Variants in KCNA2 observed in about 807,000 individuals in gnomAD.
KCNA2 encodes potassium channel, voltage gated shaker related subfamily A, member 2.
Under a neutral mutation model 33.4 loss-of-function variants are expected in KCNA2, and 11 were observed. That is an observed-to-expected ratio of 0.33 (90% CI 0.21 to 0.55). The LOEUF is 0.55. Among genes scored for constraint, KCNA2 ranks in the 20% least tolerant of loss-of-function variants. The pLI, the probability that KCNA2 is intolerant of heterozygous loss-of-function variation, is 0.93. For synonymous variants in KCNA2, 222 were observed against 231.3 expected (o/e 0.96, Z 0.37); for missense variants, 291 against 621.6 (o/e 0.47, Z 5.66).
intron 1 of KCNA2, among the ~76,000 whole-genome samples, chr1:110,617,508 T>C (rs1198793085): frequency 6.6e-6 from 1 of 152,148 alleles, no homozygotes; most frequent in Non-Finnish European, 1.5e-5. Context: ...GAAAGATAAC[T>C]TGGGAAATGT....
Position 110,604,693 on chromosome 1 carries a change from C to T in KCNA2, c.90G>A (p.Glu30=). 2 of 1,614,192 alleles carry T rather than the reference C, an allele frequency of 1.2e-6. No homozygotes were observed. Among genetic ancestry groups the T allele is most frequent in the Non-Finnish European group, 1.7e-6 (2 of 1,180,036 alleles). Residue 30 remains glutamate, a synonymous_variant, in exon 3 of 3, where the codon GAG becomes GAA. Coordinates refer to ENST00000316361, the MANE Select transcript of KCNA2 (RefSeq NM_004974.4). This position sits in a 1 kb window ranked among gnomAD's most constrained non-coding sequence, Gnocchi z 7.6. ...QDTYDPEADH[E]CCERVVINIS... ...TGTTGATCACCACCCTCTCACAGCACTCGTGGTCTGCCTCTGGGTCATAGG... is the reference window on the plus strand; with the variant it reads ...TGTTGATCACCACCCTCTCACAGCATTCGTGGTCTGCCTCTGGGTCATAGG...
At position 110,594,029 on chromosome 1, in the gene KCNA2, CT is replaced by C; in HGVS notation, c.*9253del. 1.3e-6 allele frequency: 2 copies of C among 1,531,438 alleles called. No homozygotes were observed. The highest frequency in any genetic ancestry group is 2.5e-5 in the South Asian group (2 of 80,364). The allele number at this position is 1,531,438 out of a possible 1,614,324, so 94.9% of individuals were successfully genotyped here. ...CCTTCAGCTCTCATTGGTCCCCAGC[CT>C]CTTATCACCATGGAGACCCCAGTTC... On this transcript the variant is annotated 3_prime_UTR_variant, in exon 3 of 3. Coordinates refer to ENST00000316361, the MANE Select transcript of KCNA2 (RefSeq NM_004974.4).
chr1:110,602,253 T>C lies in KCNA2; in HGVS notation c.*1030A>G. ...AAATAGTCTATTTTTTTTCCCCTGA[T>C]GGAGGGATTTTTGCCTTCTGATGGG... On this transcript the variant is annotated 3_prime_UTR_variant, in exon 3 of 3. Transcript: ENST00000316361. 1 of 1,529,884 alleles carries C rather than the reference T, an allele frequency of 6.5e-7. No homozygotes were observed. Among genetic ancestry groups the C allele is most frequent in the Non-Finnish European group, 8.8e-7 (1 of 1,138,190 alleles). 94.8% of individuals were successfully genotyped at this position (1,529,884 alleles called of 1,614,324 possible).
chr1:110,601,863 C>T lies in KCNA2; in HGVS notation c.*1420G>A. ...ACACACATATGTATGTATATATATA[C>T]ACCCTAGTGCACATAGTCAAACACA... On this transcript the variant is annotated 3_prime_UTR_variant, in exon 3 of 3. Coordinates refer to ENST00000316361, the MANE Select transcript of KCNA2 (RefSeq NM_004974.4). 1.4e-6 allele frequency: 2 copies of T among 1,427,598 alleles called. No homozygotes were observed. The highest frequency in any genetic ancestry group is 1.8e-6 in the Non-Finnish European group (2 of 1,095,318). 88.4% of individuals were successfully genotyped at this position (1,427,598 alleles called of 1,614,324 possible).
At position 110,604,391 on chromosome 1, in the gene KCNA2, C is replaced by G; in HGVS notation, c.392G>C (p.Gly131Ala). ...AGGACGCTCTTCCTCCTTGATGTAG[C>G]CTTCATCTTCCCGAAACATCTCCAT... ...EAMEMFREDEGYIKEEERPLP... is the reference protein window; with the variant it reads ...EAMEMFREDEAYIKEEERPLP... The change falls in exon 3 of 3, where the codon GGC (glycine) becomes GCC (alanine). Residue 131 changes from glycine (G) to alanine (A), a missense_variant. By Grantham distance (60) the Gly-to-Ala change is moderately conservative. This residue lies in a region of KCNA2 where 163 missense variants were observed against 273.5 expected (regional missense o/e 0.60). Transcript: ENST00000316361. The surrounding 1 kb of genome is among the most constrained non-coding windows in gnomAD (Gnocchi z 7.6). 6.2e-7 allele frequency: 1 copy of G among 1,614,112 alleles called. No individual in the cohort carries two copies. Among genetic ancestry groups the G allele is most frequent in the Non-Finnish European group, 8.5e-7 (1 of 1,180,024 alleles).
At chr1:110,610,428 CCACT>C (rs1243286453), upstream of KCNA2, among the ~76,000 whole-genome samples, 1 of 152,212 alleles carries the variant, frequency 6.6e-6, no homozygotes, top group Non-Finnish European at 1.5e-5. Context: ...GGCACAGTCC[CCACT>C]CACTCACAGG....
rs144163981 is a variant in KCNA2 at position 110,622,333 on chromosome 1, G to A, written c.-496+9062C>T. ...CATCTTTCAGCAAACTAGGAATAAA[G>A]GGAGTTTTTTTGACCTAATAAAATA... On this transcript the variant is annotated intron_variant, in intron 1 of 4. Transcript: ENST00000369770. Among the ~76,000 whole-genome samples the A allele has an allele frequency of 1.7e-3, 262 of 152,082 alleles. 1 individual carries two copies. The highest frequency in any genetic ancestry group is 5.9e-3 in the African/African-American group (245 of 41,532).
At chr1:110,623,492 A>G (rs1322231252) in intron 1 of KCNA2, among the ~76,000 whole-genome samples, 2 of 152,232 alleles carry the variant, frequency 1.3e-5, no homozygotes, top group Admixed American at 1.3e-4. Flanking sequence ...AAACGTTTGC[A>G]TTTCAAAGAC....
In KCNA2 at chr1:110,603,038, AT is replaced by A; in HGVS notation, c.*244del. On this transcript the variant is annotated 3_prime_UTR_variant, in exon 3 of 3. Coordinates refer to ENST00000316361, the MANE Select transcript of KCNA2 (RefSeq NM_004974.4). The surrounding 1 kb of genome is among the most constrained non-coding windows in gnomAD (Gnocchi z 5.7). Reference sequence around the variant, plus strand: ...GGTGGCCTCAACGTGTCTATCTGAAATCCTAGCTTGATAGGTGACTCCCGTC... The same window carrying A: ...GGTGGCCTCAACGTGTCTATCTGAAACCTAGCTTGATAGGTGACTCCCGTC... 1 of 1,374,176 alleles carries A rather than the reference AT, an allele frequency of 7.3e-7. No homozygotes were observed. Among genetic ancestry groups the A allele is most frequent in the Non-Finnish European group, 9.4e-7 (1 of 1,068,426 alleles). The allele number at this position is 1,374,176 out of a possible 1,614,324, so 85.1% of individuals were successfully genotyped here. A position where few individuals can be genotyped will look rare whatever the true frequency, so the allele number is the denominator to read the frequency against.
chr1:110,601,464 T>C lies in KCNA2; in HGVS notation c.*1819A>G, dbSNP rs375745140. 1.1e-4 allele frequency: 108 copies of C among 985,442 alleles called. 1 individual carries two copies. The East Asian group carries it at 8.6e-3, about 79-fold the overall frequency. 61.0% of individuals were successfully genotyped at this position (985,442 alleles called of 1,614,324 possible). A position where few individuals can be genotyped will look rare whatever the true frequency, so the allele number is the denominator to read the frequency against. ...GCAAGGGAAGAGGTGAAAATGGAGA[T>C]GATGAACAGGATGAACTGTAGAGAG... On this transcript the variant is annotated 3_prime_UTR_variant, in exon 3 of 3. Transcript: ENST00000316361.
rs1649167590 is a variant in KCNA2, at chr1:110,597,943, A to C, written c.*5340T>G. On this transcript the variant is annotated 3_prime_UTR_variant, in exon 3 of 3. Transcript: ENST00000316361. ...CCTTCCTGCATGTAGGGGAGCCCCT[A>C]CCTCCATCTGTCCCTGCTGGTTGCT... The C allele has an allele frequency of 1.0e-6, 1 of 985,174 alleles. No homozygotes were observed. Among genetic ancestry groups the C allele is most frequent in the Admixed American group, 6.2e-5 (1 of 16,260 alleles). 61.0% of individuals were successfully genotyped at this position (985,174 alleles called of 1,614,324 possible). A position where few individuals can be genotyped will look rare whatever the true frequency, so the allele number is the denominator to read the frequency against.
chr1:110,602,958 A>C lies in KCNA2; in HGVS notation c.*325T>G. The C allele has an allele frequency of 3.6e-6, 4 of 1,099,518 alleles. No individual in the cohort carries two copies. The highest frequency in any genetic ancestry group is 3.3e-6 in the Non-Finnish European group (3 of 903,926). 68.1% of individuals were successfully genotyped at this position (1,099,518 alleles called of 1,614,324 possible). Reference sequence around the variant, plus strand: ...AGTGCATCTCTTGGATGTTGTGTGCATTTCATTAGGAAGGAATGATGGCAC... The same window carrying C: ...AGTGCATCTCTTGGATGTTGTGTGCCTTTCATTAGGAAGGAATGATGGCAC... On this transcript the variant is annotated 3_prime_UTR_variant, in exon 3 of 3. Transcript: ENST00000316361.
Position 110,601,659 on chromosome 1 carries a change from A to G in KCNA2, c.*1624T>C, listed in dbSNP as rs1348994556. ...CATGGATACCGGAGTGTCTGAGGCAATGGCAGCAAACCCAGGCCCAGTGGG... is the reference window on the plus strand; with the variant it reads ...CATGGATACCGGAGTGTCTGAGGCAGTGGCAGCAAACCCAGGCCCAGTGGG... On this transcript the variant is annotated 3_prime_UTR_variant, in exon 3 of 3. Coordinates refer to ENST00000316361, the MANE Select transcript of KCNA2 (RefSeq NM_004974.4). The G allele has an allele frequency of 5.7e-6, 6 of 1,049,004 alleles. No individual in the cohort carries two copies. The highest frequency in any genetic ancestry group is 6.9e-6 in the Non-Finnish European group (6 of 872,150). The allele number at this position is 1,049,004 out of a possible 1,614,324, so 65.0% of individuals were successfully genotyped here.
intron 1 of KCNA2, chr1:110,605,953 T>G (rs949044765): frequency 2.6e-5 from 4 of 152,244 alleles, no homozygotes; most frequent in African/African-American, 9.7e-5. Context: ...TGGCTGGGCC[T>G]GCCTTCTCCA....
Position 110,602,957 on chromosome 1 carries a change from C to A in KCNA2, c.*326G>T, listed in dbSNP as rs1407092598. On this transcript the variant is annotated 3_prime_UTR_variant, in exon 3 of 3. Transcript: ENST00000316361. ...GAGTGCATCTCTTGGATGTTGTGTG[C>A]ATTTCATTAGGAAGGAATGATGGCA... is the stretch of plus-strand genomic sequence containing the variant. 6.0e-5 allele frequency: 66 copies of A among 1,093,182 alleles called. No homozygotes were observed. Among genetic ancestry groups the A allele is most frequent in the Non-Finnish European group, 7.3e-5 (66 of 900,232 alleles). The allele number at this position is 1,093,182 out of a possible 1,614,324, so 67.7% of individuals were successfully genotyped here. A position where few individuals can be genotyped will look rare whatever the true frequency, so the allele number is the denominator to read the frequency against.
In KCNA2 at chr1:110,594,175, A is replaced by G; in HGVS notation, c.*9108T>C. ...TTTCAGCAATTATTAGAGACAGGAC[A>G]TGGGAGGGCAGCTGAAGATTCATGC... On this transcript the variant is annotated 3_prime_UTR_variant, in exon 3 of 3. Transcript: ENST00000316361. 7.9e-7 allele frequency: 1 copy of G among 1,264,990 alleles called. No individual in the cohort carries two copies. Among genetic ancestry groups the G allele is most frequent in the Non-Finnish European group, 1.0e-6 (1 of 1,003,302 alleles). The allele number at this position is 1,264,990 out of a possible 1,614,324, so 78.4% of individuals were successfully genotyped here. A position where few individuals can be genotyped will look rare whatever the true frequency, so the allele number is the denominator to read the frequency against.
At chr1:110,629,099 A>G (rs1192620490) in intron 1 of KCNA2, among the ~76,000 whole-genome samples, 1 of 152,208 alleles carries the variant, frequency 6.6e-6, no homozygotes, top group Non-Finnish European at 1.5e-5. Flanking sequence ...TTGGCTGCAT[A>G]TTAGAATTGC....
At chr1:110,627,666 A>C (rs1478752953) in intron 1 of KCNA2, among the ~76,000 whole-genome samples, 1 of 152,138 alleles carries the variant, frequency 6.6e-6, no homozygotes, top group Non-Finnish European at 1.5e-5. Context: ...TAAGAAAGGA[A>C]AACAAAAAGG....
In KCNA2 at chr1:110,603,027, G is replaced by T; in HGVS notation, c.*256C>A. ...ATGGGATATGAGGTGGCCTCAACGT[G>T]TCTATCTGAAATCCTAGCTTGATAG... On this transcript the variant is annotated 3_prime_UTR_variant, in exon 3 of 3. Coordinates refer to ENST00000316361, the MANE Select transcript of KCNA2 (RefSeq NM_004974.4). This position sits in a 1 kb window ranked among gnomAD's most constrained non-coding sequence, Gnocchi z 5.7. 7.4e-7 allele frequency: 1 copy of T among 1,358,062 alleles called. No homozygotes were observed. The highest frequency in any genetic ancestry group is 9.4e-7 in the Non-Finnish European group (1 of 1,058,652). The allele number at this position is 1,358,062 out of a possible 1,614,324, so 84.1% of individuals were successfully genotyped here. A position where few individuals can be genotyped will look rare whatever the true frequency, so the allele number is the denominator to read the frequency against.
Sources: gnomAD v4.1 joint callset for allele counts (sites outside exome capture counted in the v4.1 genomes callset) on GRCh38, gnomAD v4.1.1 for gene constraint, gnomAD v4.1.1 regional missense constraint, Gnocchi (gnomAD v3.1) non-coding constraint, MANE v1.5 for transcripts, NCBI Gene and HGNC (gene_info 2026-07-23, HGNC 2026-07-21) for gene names.